INPP5D: variants seen among roughly 807,000 people sequenced by gnomAD.
INPP5D encodes inositol polyphosphate-5-phosphatase D, also known as phosphatidylinositol 3,4,5-trisphosphate 5-phosphatase 1.
A neutral mutation model predicts 122.9 loss-of-function variants in INPP5D; 33 were observed. That is an observed-to-expected ratio of 0.27 (90% CI 0.20 to 0.36). The LOEUF (loss-of-function observed/expected upper bound fraction) is 0.36, where lower values mean the gene tolerates loss of function less well. Among genes scored for constraint, INPP5D ranks in the 10% least tolerant of loss-of-function variants. The pLI, the probability that INPP5D is intolerant of heterozygous loss-of-function variation, is 1.00. For synonymous variants in INPP5D, 584 were observed against 576.2 expected (o/e 1.01, Z -0.19); for missense variants, 1,053 against 1,412.7 (o/e 0.75, Z 4.08).
At chr2:233,200,615 T>C (rs1385289128) in intron 25 of INPP5D, among the ~76,000 whole-genome samples, 1 of 152,200 alleles carries the variant, frequency 6.6e-6, no homozygotes, top group African/African-American at 2.4e-5. Context: ...TTCCTCTGGA[T>C]GGAGAAGCTG....
chr2:233,115,850 A>C (rs918463866), intron 2 of INPP5D, among the ~76,000 whole-genome samples: 5 of 152,146 alleles, frequency 3.3e-5, no homozygotes, highest in African/African-American at 4.8e-5. Flanking sequence ...TACGAGGCTG[A>C]GCCAAGCAGG....
At chr2:233,121,094 G>A (rs1409953336) in intron 2 of INPP5D, among the ~76,000 whole-genome samples, 1 of 145,858 alleles carries the variant, frequency 6.9e-6, no homozygotes, top group African/African-American at 2.5e-5. Flanking sequence ...GGGATTACAG[G>A]TGATTTCTTT....
rs760274345 is a variant in INPP5D, at chr2:233,163,819, C to A, written c.1353C>A (p.Thr451=). The change falls in exon 12 of 27, where the codon ACC becomes ACA. Residue 451 remains threonine, a synonymous_variant. Transcript: ENST00000445964. ...YIPHDIYVIG[T]QEDPLSEKEW... is the part of the protein sequence containing the mutation. ...CCCATGACATTTACGTGATCGGCAC[C>A]CAAGAGGACCCCCTGAGTGAGAAGG... The A allele has an allele frequency of 1.9e-5, 30 of 1,613,818 alleles. No homozygotes were observed. Among genetic ancestry groups the A allele is most frequent in the Non-Finnish European group, 2.5e-5 (30 of 1,179,898 alleles).
At chr2:233,122,808 G>GAA (rs202024670) in intron 3 of INPP5D, among the ~76,000 whole-genome samples, 1 of 149,624 alleles carries the variant, frequency 6.7e-6, no homozygotes, top group Non-Finnish European at 1.5e-5. Context: ...CCTTGTCTAA[G>GAA]AAAAAAAAAG....
rs1694452823 is a variant in INPP5D at position 233,170,089 on chromosome 2, C to T, written c.1716C>T (p.Pro572=). 2.5e-6 allele frequency: 4 copies of T among 1,614,052 alleles called. No homozygotes were observed. In the East Asian group the frequency reaches 8.9e-5, roughly 36 times the overall value. Residue 572 remains proline (P), a synonymous_variant, in exon 15 of 27, where the codon CCC becomes CCT. Coordinates refer to ENST00000445964, the MANE Select transcript of INPP5D (RefSeq NM_001017915.3). This position sits in a 1 kb window ranked among gnomAD's most constrained non-coding sequence, Gnocchi z 4.5. ...FLALGDKKLS[P]FNITHRFTHL... ...CCCTGGGCGACAAGAAGCTGAGTCCCTTTAACATCACTCACCGCTTCACGC... is the reference window on the plus strand; with the variant it reads ...CCCTGGGCGACAAGAAGCTGAGTCCTTTTAACATCACTCACCGCTTCACGC...
At chr2:233,088,781 C>A (rs1426084845) in intron 2 of INPP5D, among the ~76,000 whole-genome samples, 2 of 152,318 alleles carry the variant, frequency 1.3e-5, no homozygotes, top group African/African-American at 4.8e-5. Flanking sequence ...GGACACCAGG[C>A]ACAGGGGAAG....
intron 24 of INPP5D, 63 bp from the exon 25 acceptor site, chr2:233,198,032 G>T: frequency 2.0e-6 from 3 of 1,470,956 alleles, no homozygotes; most frequent in Non-Finnish European, 2.7e-6. Context: ...ACTTTCCTTG[G>T]GCTGGTGCTG....
intron 2 of INPP5D, among the ~76,000 whole-genome samples, chr2:233,118,885 C>T (rs757412813): frequency 2.0e-5 from 3 of 152,258 alleles, no homozygotes; most frequent in South Asian, 2.1e-4. Context: ...CCTGGGAACC[C>T]GGGCAGCCGG....
At chr2:233,091,705 C>T (rs929895308) in intron 2 of INPP5D, among the ~76,000 whole-genome samples, 2 of 152,208 alleles carry the variant, frequency 1.3e-5, no homozygotes, top group Admixed American at 6.5e-5. Flanking sequence ...ACCTTATCTC[C>T]CTCAGGCCAT....
At chr2:233,174,479 C>A (rs377519206) in intron 17 of INPP5D, among the ~76,000 whole-genome samples, 5 of 152,120 alleles carry the variant, frequency 3.3e-5, no homozygotes, top group Non-Finnish European at 7.4e-5. Flanking sequence ...CAGCTGATGC[C>A]GAGAACTGCA....
At chr2:233,187,975 C>T (rs1288105034) in intron 21 of INPP5D, among the ~76,000 whole-genome samples, 2 of 152,178 alleles carry the variant, frequency 1.3e-5, no homozygotes, top group East Asian at 3.9e-4. Flanking sequence ...CCATTCCCCA[C>T]ATCCTCACAG....
intron 1 of INPP5D, among the ~76,000 whole-genome samples, chr2:233,067,219 CACCCAA>C (rs1230962760): frequency 6.6e-6 from 1 of 152,242 alleles, no homozygotes; most frequent in Non-Finnish European, 1.5e-5. Flanking sequence ...ATTCCCTCTC[CACCCAA>C]ACCCTGGCAG....
At chr2:233,198,397 G>A (rs374529571) in intron 25 of INPP5D, 21 bp downstream of exon 25, 1 of 1,595,270 alleles carries the variant, frequency 6.3e-7, no homozygotes, top group Non-Finnish European at 8.6e-7. Flanking sequence ...TCTTCATTAA[G>A]ACGGCTCCCT....
intron 1 of INPP5D, among the ~76,000 whole-genome samples, chr2:233,074,471 C>G (rs1008022294): frequency 6.6e-6 from 1 of 152,204 alleles, no homozygotes; most frequent in Non-Finnish European, 1.5e-5. Flanking sequence ...TCCATGTTAG[C>G]AAGAAATGGC....
chr2:233,116,294 T>G (rs1399258141), intron 2 of INPP5D, among the ~76,000 whole-genome samples: 1 of 134,886 alleles, frequency 7.4e-6, no homozygotes, highest in Non-Finnish European at 1.5e-5. Flanking sequence ...TATATAGATA[T>G]ATAGATACTT....
chr2:233,175,381 A>G (rs1694592323), intron 17 of INPP5D, among the ~76,000 whole-genome samples: 1 of 152,204 alleles, frequency 6.6e-6, no homozygotes, highest in Non-Finnish European at 1.5e-5. Flanking sequence ...GTCCAACATA[A>G]AAGAGTATCT....
chr2:233,087,596 A>G (rs1691886746), intron 2 of INPP5D, among the ~76,000 whole-genome samples: 1 of 152,184 alleles, frequency 6.6e-6, no homozygotes, highest in Non-Finnish European at 1.5e-5. Context: ...AAGTGCTGGG[A>G]TTACAGGTGT....
chr2:233,076,386 A>T (rs1691521233), intron 1 of INPP5D: 1 of 152,240 alleles, frequency 6.6e-6, no homozygotes, highest in South Asian at 2.1e-4. Context: ...GCTATCTCTG[A>T]TGCAAGACGA....
At chr2:233,121,318 G>A (rs1210295156) in intron 2 of INPP5D, among the ~76,000 whole-genome samples, 1 of 150,914 alleles carries the variant, frequency 6.6e-6, no homozygotes, top group Non-Finnish European at 1.5e-5. Flanking sequence ...TTTTAGTAGA[G>A]ACTGGGTTTG....
Sources: gnomAD v4.1 joint callset for allele counts (sites outside exome capture counted in the v4.1 genomes callset) on GRCh38, gnomAD v4.1.1 for gene constraint, Gnocchi (gnomAD v3.1) non-coding constraint, MANE v1.5 for transcripts, NCBI Gene and HGNC (gene_info 2026-07-23, HGNC 2026-07-21) for gene names.